The following DCC variants were observed in gnomAD, a reference collection of about 807,000 sequenced individuals.
DCC encodes DCC netrin 1 receptor.
Under a neutral mutation model 172.5 loss-of-function variants are expected in DCC, and 58 were observed. That is an observed-to-expected ratio of 0.34 (90% CI 0.27 to 0.42). The LOEUF is 0.42. Ranked by LOEUF, DCC falls within the 10% of genes least tolerant of loss-of-function variation. The pLI is 1.00. For missense variants in DCC, 1,740 were observed against 1,791.0 expected (o/e 0.97, Z 0.51); for synonymous variants, 709 against 644.5 (o/e 1.10, Z -1.52).
intron 2 of DCC, among the ~76,000 whole-genome samples, chr18:52,788,378 T>G (rs1315109429): frequency 6.6e-6 from 1 of 152,118 alleles, no homozygotes; most frequent in Non-Finnish European, 1.5e-5. Context: ...CAGACAGAAT[T>G]GCAGAGTAGG....
intron 23 of DCC, among the ~76,000 whole-genome samples, chr18:53,456,076 G>A (rs886375617): frequency 6.6e-6 from 1 of 152,156 alleles, no homozygotes; most frequent in African/African-American, 2.4e-5. Context: ...TAAGACACAC[G>A]GTGATCAATG....
At chr18:52,735,236 A>C (rs2036706722) in intron 1 of DCC, among the ~76,000 whole-genome samples, 1 of 152,058 alleles carries the variant, frequency 6.6e-6, no homozygotes, top group Non-Finnish European at 1.5e-5. Context: ...CCACCCTGCC[A>C]ACACTCTGTG....
At chr18:52,844,982 G>A (rs1231779290) in intron 2 of DCC, among the ~76,000 whole-genome samples, 2 of 152,200 alleles carry the variant, frequency 1.3e-5, no homozygotes, top group Admixed American at 6.5e-5. Flanking sequence ...TGCCATTAAA[G>A]ATAGGCAGTT....
intron 12 of DCC, among the ~76,000 whole-genome samples, chr18:53,266,007 C>T (rs2056669104): frequency 6.6e-6 from 1 of 152,188 alleles, no homozygotes; most frequent in Non-Finnish European, 1.5e-5. Flanking sequence ...TGCCTGTGGA[C>T]ATATCATGAA....
chr18:52,652,904 A>G (rs79410517), intron 1 of DCC, among the ~76,000 whole-genome samples: 11,149 of 152,164 alleles, frequency 0.073, 565 homozygotes, highest in South Asian at 0.2. Context: ...TTCCCCCACC[A>G]GGAGCTTGCT....
At chr18:53,435,729 C>A (rs1299380190) in intron 22 of DCC, among the ~76,000 whole-genome samples, 1 of 152,160 alleles carries the variant, frequency 6.6e-6, no homozygotes, top group African/African-American at 2.4e-5. Flanking sequence ...TTTATTTCTG[C>A]TCATCCTAGT....
intron 1 of DCC, among the ~76,000 whole-genome samples, chr18:52,390,683 G>T (rs1420547547): frequency 1.3e-5 from 2 of 151,990 alleles, no homozygotes; most frequent in African/African-American, 4.8e-5. Context: ...TGGTCTCTTA[G>T]GATGAAGGAA....
At chr18:52,870,504 G>A (rs550658120) in intron 2 of DCC, among the ~76,000 whole-genome samples, 135 of 152,298 alleles carry the variant, frequency 8.9e-4, no homozygotes, top group Non-Finnish European at 8.2e-4. Context: ...GGTGAGAACG[G>A]CTTTAATTCT....
chr18:52,650,184 G>A (rs2035104434), intron 1 of DCC, among the ~76,000 whole-genome samples: 1 of 151,862 alleles, frequency 6.6e-6, no homozygotes, highest in Non-Finnish European at 1.5e-5. Context: ...TCTCCATGTT[G>A]GTCAGGCAGG....
chr18:52,541,426 G>T (rs1179979737), intron 1 of DCC, among the ~76,000 whole-genome samples: 1 of 152,120 alleles, frequency 6.6e-6, no homozygotes. Flanking sequence ...TTTAACCTCT[G>T]TTTTCTATGA....
intron 21 of DCC, among the ~76,000 whole-genome samples, chr18:53,420,021 T>C (rs964218360): frequency 6.6e-6 from 1 of 151,708 alleles, no homozygotes; most frequent in Admixed American, 6.6e-5. Context: ...ACCTGGCTAA[T>C]TTTTTTGTCT....
chr18:52,906,424 G>T, intron 3 of DCC, 96 bp downstream of exon 3: 1 of 1,226,730 alleles, frequency 8.2e-7, no homozygotes, highest in Non-Finnish European at 1.2e-6. Flanking sequence ...ATTGTTATAA[G>T]TTCTGTATTG....
chr18:52,773,682 A>T (rs2037380633), intron 2 of DCC, among the ~76,000 whole-genome samples: 1 of 151,984 alleles, frequency 6.6e-6, no homozygotes, highest in Admixed American at 6.6e-5. Context: ...ATGTGCCACC[A>T]CACCTGGCTA....
intron 1 of DCC, among the ~76,000 whole-genome samples, chr18:52,701,890 T>G (rs2036129712): frequency 6.6e-6 from 1 of 152,198 alleles, no homozygotes; most frequent in South Asian, 2.1e-4. Context: ...CCTCTAAGAT[T>G]TCTAGTTATT....
chr18:52,897,716 A>ATT (rs35614484), intron 2 of DCC, among the ~76,000 whole-genome samples: 60,244 of 151,890 alleles, frequency 0.4, 12,488 homozygotes, highest in Non-Finnish European at 0.47. Flanking sequence ...AAGATCACAT[A>ATT]GGGTGAACAT....
intron 2 of DCC, among the ~76,000 whole-genome samples, chr18:52,841,033 G>T (rs1014531726): frequency 1.7e-4 from 26 of 152,170 alleles, no homozygotes; most frequent in Admixed American, 5.2e-4. Context: ...AATGATCTCT[G>T]CAGGTCTCCG....
At chr18:52,499,480 C>A (rs7236331) in intron 1 of DCC, among the ~76,000 whole-genome samples, 3 of 152,142 alleles carry the variant, frequency 2.0e-5, no homozygotes, top group African/African-American at 7.2e-5. Context: ...ATTTCATCTA[C>A]TTTTTGGATG....
Position 53,339,884 on chromosome 18 carries a change from G to A in DCC, c.2336G>A (p.Arg779Gln), listed in dbSNP as rs746038044. 7.4e-6 allele frequency: 12 copies of A among 1,613,498 alleles called. No individual in the cohort carries two copies. The highest frequency in any genetic ancestry group is 4.5e-5 in the East Asian group (2 of 44,852). Residue 779 changes from arginine to glutamine, a missense_variant, in exon 15 of 29, where the codon CGA (arginine) becomes CAA (glutamine). Around this residue, in one of 2 missense-constraint regions of DCC, gnomAD observed 1,732 missense variants for 1,767.4 expected, o/e 0.98. Coordinates refer to ENST00000442544, the MANE Select transcript of DCC (RefSeq NM_005215.4). ...ACAGTGCGTGTGGACAGCAAGCAGCGATATTATTCCATTGAGAGGTTAGGT... is the reference window on the plus strand; with the variant it reads ...ACAGTGCGTGTGGACAGCAAGCAGCAATATTATTCCATTGAGAGGTTAGGT... ...AETVRVDSKQ[R>Q]YYSIERLESS...
chr18:52,685,443 T>G (rs2035815504), intron 1 of DCC, among the ~76,000 whole-genome samples: 1 of 152,232 alleles, frequency 6.6e-6, no homozygotes, highest in South Asian at 2.1e-4. Flanking sequence ...TCAAAACTCA[T>G]GTTGAAATTT....
Sources: gnomAD v4.1 joint callset for allele counts (sites outside exome capture counted in the v4.1 genomes callset) on GRCh38, gnomAD v4.1.1 for gene constraint, gnomAD v4.1.1 regional missense constraint, MANE v1.5 for transcripts, NCBI Gene and HGNC (gene_info 2026-07-23, HGNC 2026-07-21) for gene names.